The following ATXN1 variants were observed in gnomAD, a reference collection of about 807,000 sequenced individuals.
ATXN1 encodes ataxin 1, also known as ataxin-1.
A neutral mutation model predicts 56.4 loss-of-function variants in ATXN1; 8 were observed. That is an observed-to-expected ratio of 0.14 (90% CI 0.08 to 0.26). The LOEUF (loss-of-function observed/expected upper bound fraction) is 0.26. ATXN1 is among the 10% of genes least tolerant of loss of function. ATXN1 has a pLI of 1.00. For missense variants in ATXN1, 987 were observed against 1,106.5 expected, an observed-to-expected ratio of 0.89 and a Z score of 1.53; for synonymous variants, 514 against 494.6, an observed-to-expected ratio of 1.04 and a Z score of -0.52.
intron 4 of ATXN1, among the ~76,000 whole-genome samples, chr6:16,560,389 A>G (rs1448831970): frequency 1.3e-5 from 2 of 152,162 alleles, no homozygotes; most frequent in African/African-American, 2.4e-5. Context: ...AGATCACACC[A>G]TTGCACTCCA....
chr6:16,360,686 C>T (rs1761790548), intron 6 of ATXN1, among the ~76,000 whole-genome samples: 2 of 152,190 alleles, frequency 1.3e-5, no homozygotes, highest in Non-Finnish European at 2.9e-5. Context: ...AATCTTAGTT[C>T]CTCTAATCGT....
intron 6 of ATXN1, among the ~76,000 whole-genome samples, chr6:16,354,486 T>G (rs1581709851): frequency 6.6e-6 from 1 of 152,164 alleles, no homozygotes; most frequent in Non-Finnish European, 1.5e-5. Flanking sequence ...CTCAATCTCC[T>G]GACCTCCTGA....
chr6:16,306,419 T>G lies in ATXN1; in HGVS notation c.2358A>C (p.Glu786Asp). 1 of 1,614,234 alleles carries G rather than the reference T, an allele frequency of 6.2e-7. No homozygotes were observed. ...TAGGAAGAGTCAAAGGTGGTTCGTC[T>G]TCTGACTTCTCCAGTTTGCGGCTCT... ...APESRKLEKS[E>D]DEPPLTLPKP... The change falls in exon 8 of 8, where the codon GAA becomes GAC. Residue 786 changes from glutamate to aspartate, a missense_variant. Coordinates refer to ENST00000436367, the MANE Select transcript of ATXN1 (RefSeq NM_001128164.2). The surrounding 1 kb of genome is among the most constrained non-coding windows in gnomAD (Gnocchi z 5.2).
At chr6:16,698,474 AC>A (rs1372075794) in intron 2 of ATXN1, among the ~76,000 whole-genome samples, 3 of 152,318 alleles carry the variant, frequency 2.0e-5, no homozygotes, top group African/African-American at 7.2e-5. Context: ...CTCAACAGCT[AC>A]GGCACACATG....
chr6:16,595,382 C>T (rs922276950), intron 3 of ATXN1, among the ~76,000 whole-genome samples: 3 of 152,204 alleles, frequency 2.0e-5, no homozygotes, highest in Non-Finnish European at 4.4e-5. Context: ...TCATCATCCT[C>T]CTACATATAC....
In ATXN1 at chr6:16,573,552, C is replaced by T. The variant is rs560639434; in HGVS notation, c.-361+12228G>A. ...TTGTCACCGGTTTCAGATATATACA[C>T]ACAAACTCACTGAGCCCCTTCCATA... is the stretch of plus-strand genomic sequence containing the variant. On this transcript the variant is annotated intron_variant, in intron 4 of 7. Coordinates refer to ENST00000436367, the MANE Select transcript of ATXN1 (RefSeq NM_001128164.2). Among the ~76,000 whole-genome samples, 4 of 152,242 alleles carry T rather than the reference C, an allele frequency of 2.6e-5. No homozygotes were observed. In the East Asian group the frequency reaches 5.8e-4, roughly 22 times the overall value.
At chr6:16,508,557 A>T (rs1761022099) in intron 5 of ATXN1, among the ~76,000 whole-genome samples, 1 of 152,218 alleles carries the variant, frequency 6.6e-6, no homozygotes, top group Non-Finnish European at 1.5e-5. Context: ...CCCTAAAAAA[A>T]GGTCTCAAAC....
At chr6:16,642,171 A>G (rs1055209792) in intron 3 of ATXN1, among the ~76,000 whole-genome samples, 1 of 152,150 alleles carries the variant, frequency 6.6e-6, no homozygotes, top group Non-Finnish European at 1.5e-5. Flanking sequence ...GGGAATCACA[A>G]GGTCCGGAGA....
rs143066951 is a variant in ATXN1, at chr6:16,315,330, A to G, written c.1918-8471T>C. Among the ~76,000 whole-genome samples the G allele has an allele frequency of 1.1e-4, 16 of 152,200 alleles. No individual in the cohort carries two copies. In the East Asian group the frequency reaches 3.1e-3, roughly 29 times the overall value. On this transcript the variant is annotated intron_variant, in intron 7 of 7. Coordinates refer to ENST00000436367, the MANE Select transcript of ATXN1 (RefSeq NM_001128164.2). ...ATCACAAACATCCCAATTATAAGCAAACTGTATGGGTTCCTTTTCCAAATA... is the reference window on the plus strand; with the variant it reads ...ATCACAAACATCCCAATTATAAGCAGACTGTATGGGTTCCTTTTCCAAATA...
At chr6:16,663,346 T>C (rs556907329) in intron 2 of ATXN1, among the ~76,000 whole-genome samples, 1 of 152,286 alleles carries the variant, frequency 6.6e-6, no homozygotes, top group East Asian at 1.9e-4. Flanking sequence ...CTGTACGAAG[T>C]GTTTCAGTAG....
intron 7 of ATXN1, among the ~76,000 whole-genome samples, chr6:16,310,941 T>C (rs1038886985): frequency 2.0e-5 from 3 of 152,244 alleles, no homozygotes; most frequent in Non-Finnish European, 4.4e-5. Context: ...CTAGTTCTGA[T>C]ACATTTCTAG....
At position 16,327,881 on chromosome 6, in the gene ATXN1, G is replaced by A. The variant is rs755806570; in HGVS notation, c.430C>T (p.Pro144Ser). ...QYSGTYASFI[P>S]SQLIPPTANP... ...GCGGTTGGGGGGATCAGCTGTGATG[G>A]GATGAAGCTGGCATAGGTTCCACTG... The change falls in exon 7 of 8, where the codon CCA (proline) becomes TCA (serine). Residue 144 changes from proline (P) to serine (S), a missense_variant. This residue lies in a region of ATXN1 where 723 missense variants were observed against 791.7 expected (regional missense o/e 0.91). Transcript: ENST00000436367. 6 of 1,607,394 alleles carry A rather than the reference G, an allele frequency of 3.7e-6. No homozygotes were observed. Among genetic ancestry groups the A allele is most frequent in the Admixed American group, 1.7e-5 (1 of 60,008 alleles).
intron 2 of ATXN1, among the ~76,000 whole-genome samples, chr6:16,701,167 A>G (rs1393896588): frequency 6.6e-6 from 1 of 152,194 alleles, no homozygotes; most frequent in Non-Finnish European, 1.5e-5. Context: ...CAGAAACTAC[A>G]CAAAGAAAGA....
intron 6 of ATXN1, among the ~76,000 whole-genome samples, chr6:16,379,711 T>C (rs1417920486): frequency 6.6e-6 from 1 of 152,184 alleles, no homozygotes; most frequent in Non-Finnish European, 1.5e-5. Context: ...CAGGCACGTG[T>C]AGAGGTCACT....
chr6:16,683,261 C>A (rs1169711645), intron 2 of ATXN1, among the ~76,000 whole-genome samples: 1 of 152,224 alleles, frequency 6.6e-6, no homozygotes, highest in Non-Finnish European at 1.5e-5. Context: ...TGGACTAGAA[C>A]AACCTATGAG....
intron 6 of ATXN1, among the ~76,000 whole-genome samples, chr6:16,392,253 G>C (rs577384127): frequency 6.6e-6 from 1 of 152,288 alleles, no homozygotes; most frequent in Admixed American, 6.5e-5. Context: ...CATGGCATTG[G>C]GGAGGGCTGC....
intron 6 of ATXN1, among the ~76,000 whole-genome samples, chr6:16,383,050 T>TAGAG (rs901573775): frequency 6.6e-6 from 1 of 152,094 alleles, no homozygotes; most frequent in Admixed American, 6.6e-5. Context: ...CCTCCTCTCT[T>TAGAG]ACAGGTCCCT....
rs569572350 is a variant in ATXN1, at chr6:16,607,156, G to A, written c.-488-21249C>T. Among the ~76,000 whole-genome samples the A allele has an allele frequency of 3.3e-5, 5 of 152,322 alleles. No homozygotes were observed. In the East Asian group the frequency reaches 7.7e-4, roughly 23 times the overall value. ...CCCAAAGTGTTGGGATTACAGGCAT[G>A]AGCCACCGCGTCCGGCCAGGCAGCC... On this transcript the variant is annotated intron_variant, in intron 3 of 7. Coordinates refer to ENST00000436367, the MANE Select transcript of ATXN1 (RefSeq NM_001128164.2).
At chr6:16,557,945 A>G (rs1009185068) in intron 4 of ATXN1, among the ~76,000 whole-genome samples, 28 of 152,256 alleles carry the variant, frequency 1.8e-4, no homozygotes, top group African/African-American at 6.5e-4. Context: ...GGTTCCATTT[A>G]TATGAGATGT....
Sources: allele counts gnomAD v4.1 joint callset (sites outside exome capture counted in the v4.1 genomes callset), GRCh38; gene constraint gnomAD v4.1.1; regional missense constraint gnomAD v4.1.1; non-coding constraint Gnocchi (gnomAD v3.1); transcripts MANE v1.5; gene names NCBI Gene and HGNC (gene_info 2026-07-23, HGNC 2026-07-21).